Variants in MARCHF1 observed in about 807,000 individuals in gnomAD.
MARCHF1 encodes E3 ubiquitin-protein ligase MARCHF1.
In MARCHF1, 40 loss-of-function variants were observed where a neutral mutation model predicts 54.2. The ratio of observed to expected loss-of-function variants is 0.74; its 90% CI spans 0.57 to 0.96. The LOEUF (loss-of-function observed/expected upper bound fraction) is 0.96. Among genes scored for constraint, MARCHF1 ranks in the 40% least tolerant of loss-of-function variants. MARCHF1 has a pLI of 0.00. For missense variants in MARCHF1, 586 were observed against 656.5 expected, an observed-to-expected ratio of 0.89 and a Z score of 1.17; for synonymous variants, 236 against 236.3, an observed-to-expected ratio of 1.00 and a Z score of 0.01.
intron 4 of MARCHF1, among the ~76,000 whole-genome samples, chr4:163,846,536 G>A: frequency 6.6e-6 from 1 of 152,126 alleles, no homozygotes; most frequent in East Asian, 1.9e-4. Flanking sequence ...GGTAAATTTG[G>A]TTTCTTTGTA....
intron 1 of MARCHF1, among the ~76,000 whole-genome samples, chr4:164,242,863 G>A (rs1363660669): frequency 2.0e-5 from 3 of 150,210 alleles, no homozygotes; most frequent in Admixed American, 6.7e-5. Flanking sequence ...CGATCAACTG[G>A]AAGAAAGGGT....
At chr4:163,828,853 C>T (rs755634956) in intron 4 of MARCHF1, 1 of 152,276 alleles carries the variant, frequency 6.6e-6, no homozygotes, top group East Asian at 1.9e-4. Flanking sequence ...TGATTAGAAA[C>T]AATTATAACT....
intron 8 of MARCHF1, among the ~76,000 whole-genome samples, chr4:163,581,479 G>A (rs1740230192): frequency 6.6e-6 from 1 of 152,104 alleles, no homozygotes; most frequent in Non-Finnish European, 1.5e-5. Flanking sequence ...TAGGAATCTG[G>A]CCTTATCCCT....
intron 3 of MARCHF1, among the ~76,000 whole-genome samples, chr4:163,918,763 A>G (rs189949307): frequency 5.7e-4 from 87 of 152,024 alleles, no homozygotes; most frequent in Admixed American, 4.9e-3. Flanking sequence ...ATTAACTGAT[A>G]ATTGGTAGAA....
At chr4:163,550,296 AAAAAG>A (rs1392350612) in intron 8 of MARCHF1, among the ~76,000 whole-genome samples, 29 of 148,424 alleles carry the variant, frequency 2.0e-4, no homozygotes, top group Non-Finnish European at 3.1e-4. Context: ...AAAAAAAAAA[AAAAAG>A]AAAAGAAAAG....
intron 1 of MARCHF1, among the ~76,000 whole-genome samples, chr4:164,142,025 G>A (rs977822894): frequency 2.0e-5 from 3 of 152,312 alleles, no homozygotes; most frequent in African/African-American, 7.2e-5. Context: ...CAAGGGGTCA[G>A]GGAGTTCCCT....
At chr4:163,925,992 C>A (rs1431603729) in intron 3 of MARCHF1, among the ~76,000 whole-genome samples, 1 of 151,514 alleles carries the variant, frequency 6.6e-6, no homozygotes, top group Non-Finnish European at 1.5e-5. Context: ...CTTCTGATTT[C>A]AGTATGCAAG....
At position 164,211,331 on chromosome 4, in the gene MARCHF1, G is replaced by GTGTATATATATATATATA. The variant is rs763172261; in HGVS notation, c.-322-99670_-322-99669insTATATATATATATATACA. 2.1e-4 allele frequency among the ~76,000 whole-genome samples: 24 copies of GTGTATATATATATATATA among 115,980 alleles called. No homozygotes were observed. The East Asian group carries it at 4.5e-3, about 22-fold the overall frequency. The allele number at this position is 115,980 out of a possible 152,430, so 76.1% of individuals were successfully genotyped here. ...AACCTGCATATGTGTATGTATGTAT[G>GTGTATATATATATATATA]TATATATATATATATATATATATAC... On this transcript the variant is annotated intron_variant, in intron 1 of 9. Transcript: ENST00000514618.
At chr4:164,220,394 T>C (rs373252751) in intron 1 of MARCHF1, among the ~76,000 whole-genome samples, 2 of 147,054 alleles carry the variant, frequency 1.4e-5, no homozygotes, top group African/African-American at 2.5e-5. Context: ...CCTATGTATA[T>C]AGGAATTCCA....
At chr4:163,665,269 TG>T (rs1743492633) in intron 5 of MARCHF1, among the ~76,000 whole-genome samples, 1 of 152,094 alleles carries the variant, frequency 6.6e-6, no homozygotes. Context: ...CAAATTACAA[TG>T]TTTTTTAATT....
chr4:163,922,358 TATA>T (rs901979235), intron 3 of MARCHF1, among the ~76,000 whole-genome samples: 9 of 152,176 alleles, frequency 5.9e-5, no homozygotes, highest in East Asian at 1.9e-4. Flanking sequence ...GAACTTAAAG[TATA>T]ATAATAATAA....
At chr4:164,244,777 T>C (rs1560971368) in intron 1 of MARCHF1, among the ~76,000 whole-genome samples, 1 of 151,872 alleles carries the variant, frequency 6.6e-6, no homozygotes, top group Non-Finnish European at 1.5e-5. Context: ...AAAGGGGATA[T>C]CACCACCAAT....
At chr4:163,551,168 A>G (rs974901113) in intron 8 of MARCHF1, among the ~76,000 whole-genome samples, 2 of 152,232 alleles carry the variant, frequency 1.3e-5, no homozygotes, top group African/African-American at 4.8e-5. Context: ...AAAAAATTAC[A>G]TAATTCATTT....
At chr4:163,929,967 TATATAA>T (rs1751629271) in intron 3 of MARCHF1, among the ~76,000 whole-genome samples, 1 of 126,050 alleles carries the variant, frequency 7.9e-6, no homozygotes, top group Non-Finnish European at 1.6e-5. Flanking sequence ...ATATATAATA[TATATAA>T]TATATATAAT....
At chr4:163,747,159 C>A (rs181279344) in intron 4 of MARCHF1, among the ~76,000 whole-genome samples, 19 of 152,298 alleles carry the variant, frequency 1.2e-4, no homozygotes, top group Admixed American at 8.5e-4. Context: ...TTTCACCGTA[C>A]TACAAAGAAA....
At chr4:163,575,374 T>A (rs930010324) in intron 8 of MARCHF1, among the ~76,000 whole-genome samples, 8 of 152,208 alleles carry the variant, frequency 5.3e-5, no homozygotes, top group Admixed American at 5.2e-4. Context: ...TTTGTGTATG[T>A]TGAACCAATC....
intron 2 of MARCHF1, among the ~76,000 whole-genome samples, chr4:164,063,816 C>T (rs1754671176): frequency 6.7e-6 from 1 of 149,438 alleles, no homozygotes; most frequent in Admixed American, 6.7e-5. Context: ...GAATAACTGT[C>T]TTTTTTTTTT....
intron 1 of MARCHF1, among the ~76,000 whole-genome samples, chr4:164,184,026 T>C (rs1049754841): frequency 6.6e-6 from 1 of 152,178 alleles, no homozygotes; most frequent in Admixed American, 6.5e-5. Flanking sequence ...GAGTACAATC[T>C]TCAAAGTCTT....
chr4:164,364,074 G>T (rs1041193824), intron 1 of MARCHF1, among the ~76,000 whole-genome samples: 10 of 152,010 alleles, frequency 6.6e-5, no homozygotes, highest in Admixed American at 5.3e-4. Context: ...ATTAGGAAAT[G>T]TAGCAGCCTT....
Sources: gnomAD v4.1 joint callset for allele counts (sites outside exome capture counted in the v4.1 genomes callset) on GRCh38, gnomAD v4.1.1 for gene constraint, MANE v1.5 for transcripts, NCBI Gene and HGNC (gene_info 2026-07-23, HGNC 2026-07-21) for gene names.